Variants in GPNMB observed in about 807,000 individuals in gnomAD.
GPNMB encodes glycoprotein nmb.
Under a neutral mutation model 57.3 loss-of-function variants are expected in GPNMB, and 71 were observed. That is an observed-to-expected ratio of 1.24 (90% CI 1.02 to 1.51). The LOEUF (loss-of-function observed/expected upper bound fraction) is 1.51. Ranked by LOEUF, GPNMB falls within the 40% of genes most tolerant of loss-of-function variation. The pLI is 0.00. For missense variants in GPNMB, 677 were observed against 691.9 expected, an observed-to-expected ratio of 0.98 and a Z score of 0.24; for synonymous variants, 253 against 263.2, an observed-to-expected ratio of 0.96 and a Z score of 0.38.
chr7:23,264,469 T>C (rs910364924), intron 6 of GPNMB, among the ~76,000 whole-genome samples: 4 of 152,070 alleles, frequency 2.6e-5, no homozygotes, highest in East Asian at 1.9e-4. Flanking sequence ...GCCTTCTGGG[T>C]TCAAGTAATT....
intron 1 of GPNMB, 74 bp downstream of exon 1, chr7:23,247,001 TGAACTAGAGGTTGGACTGA>T: frequency 9.2e-7 from 1 of 1,092,118 alleles, no homozygotes; most frequent in Non-Finnish European, 1.4e-6. Flanking sequence ...TAATATCCTC[TGAACTAGAGGTTGGACTGA>T]AGTTCTTCAG....
chr7:23,252,661 G>T (rs879423655), intron 1 of GPNMB, among the ~76,000 whole-genome samples: 2 of 152,154 alleles, frequency 1.3e-5, no homozygotes, highest in Non-Finnish European at 2.9e-5. Flanking sequence ...CCACAATATA[G>T]TTGGAGATTT....
In GPNMB at chr7:23,251,941, C is replaced by T. The variant is rs374314836; in HGVS notation, c.71-1366C>T. ...GCGGGAAACAGCTTCTTGGAGGCAA[C>T]CAACCAGTCTGCTACAATTCTCAAA... On this transcript the variant is annotated intron_variant, in intron 1 of 10. Transcript: ENST00000258733. Among the ~76,000 whole-genome samples, 6 of 152,168 alleles carry T rather than the reference C, an allele frequency of 3.9e-5. No homozygotes were observed. The East Asian group carries it at 1.2e-3, about 29-fold the overall frequency.
At chr7:23,271,114 A>G (rs752352760) in intron 9 of GPNMB, among the ~76,000 whole-genome samples, 10 of 152,230 alleles carry the variant, frequency 6.6e-5, no homozygotes, top group Non-Finnish European at 1.3e-4. Flanking sequence ...ATCAGGCATT[A>G]GTTAGAGTCT....
intron 9 of GPNMB, among the ~76,000 whole-genome samples, chr7:23,272,868 A>G (rs156421): frequency 0.48 from 71,184 of 149,594 alleles, 18,347 homozygotes; most frequent in African/African-American, 0.7. Flanking sequence ...TTTTGAGGCA[A>G]GGTCTTGCTC....
chr7:23,267,769 T>A (rs1410166969), intron 7 of GPNMB, 117 bp from the exon 8 acceptor site: 1 of 771,326 alleles, frequency 1.3e-6, no homozygotes, highest in East Asian at 2.5e-5. Context: ...CCTTGGGGGT[T>A]TCAACATATG....
chr7:23,253,503 C>T, intron 2 of GPNMB, 44 bp downstream of exon 2: 1 of 1,545,826 alleles, frequency 6.5e-7, no homozygotes, highest in Non-Finnish European at 8.9e-7. Context: ...TTTCCTACTT[C>T]AGTAAGTCTT....
At chr7:23,266,147 C>T (rs1038574824) in intron 6 of GPNMB, 129 of 169,472 alleles carry the variant, frequency 7.6e-4, no homozygotes, top group African/African-American at 3.0e-3. Context: ...GGCGGGGTTT[C>T]ACCATGTTAG....
intron 4 of GPNMB, among the ~76,000 whole-genome samples, chr7:23,258,525 C>T (rs113736423): frequency 6.6e-6 from 1 of 152,236 alleles, no homozygotes; most frequent in South Asian, 2.1e-4. Context: ...TAACACTCGC[C>T]GACTCTTTAG....
intron 4 of GPNMB, among the ~76,000 whole-genome samples, chr7:23,259,647 A>G (rs1395447648): frequency 6.6e-6 from 1 of 152,156 alleles, no homozygotes; most frequent in Non-Finnish European, 1.5e-5. Context: ...TATTAAATGT[A>G]TTTTCTATGG....
intron 6 of GPNMB, chr7:23,266,211 A>C: frequency 3.4e-6 from 1 of 296,670 alleles, no homozygotes; most frequent in South Asian, 4.2e-5. Flanking sequence ...GGCCTCCCAA[A>C]GTGCTGGGAT....
At chr7:23,267,823 G>A (rs901193841) in intron 7 of GPNMB, 63 bp from the exon 8 acceptor site, 26 of 1,094,744 alleles carry the variant, frequency 2.4e-5, no homozygotes, top group Non-Finnish European at 3.2e-5. Context: ...CAGAGTGATT[G>A]TTTGGCTTTG....
intron 4 of GPNMB, chr7:23,257,482 G>A (rs1782809573): frequency 1.1e-5 from 3 of 267,504 alleles, no homozygotes; most frequent in Non-Finnish European, 2.1e-5. Context: ...GACCAGCCTG[G>A]CCAACATGGT....
At chr7:23,251,892 G>A (rs1782670149) in intron 1 of GPNMB, among the ~76,000 whole-genome samples, 1 of 152,192 alleles carries the variant, frequency 6.6e-6, no homozygotes, top group Non-Finnish European at 1.5e-5. Flanking sequence ...TGCCAGCAAG[G>A]GGAAAATAGG....
chr7:23,256,256 A>G (rs768450005), intron 3 of GPNMB, among the ~76,000 whole-genome samples: 8 of 152,194 alleles, frequency 5.3e-5, no homozygotes, highest in African/African-American at 9.7e-5. Flanking sequence ...GTTGTTAACT[A>G]TAGTCACCTA....
rs145407985 is a variant in GPNMB, at chr7:23,254,184, C to T, written c.239C>T (p.Ala80Val). The change falls in exon 3 of 11, where the codon GCG becomes GTG. Residue 80 changes from alanine to valine, a missense_variant. Physicochemically the swap from Ala to Val is moderately conservative, Grantham distance 64. Transcript: ENST00000258733. The stretch of plus-strand genomic sequence containing the variant: ...TATACCCTAGGAGGCCGTGTGCAGG[C>T]GGTCCTGACCAGTGACTCACCAGCC... ...KNSWKGGRVQ[A>V]VLTSDSPALV... 1.3e-5 allele frequency: 21 copies of T among 1,613,044 alleles called. No homozygotes were observed. Among genetic ancestry groups the T allele is most frequent in the African/African-American group, 1.2e-4 (9 of 74,976 alleles).
At position 23,260,753 on chromosome 7, in the gene GPNMB, C is replaced by CA; in HGVS notation, c.1002dup (p.Pro335ThrfsTer10). 6.4e-7 allele frequency: 1 copy of CA among 1,554,374 alleles called. No homozygotes were observed. Among genetic ancestry groups the CA allele is most frequent in the Non-Finnish European group, 8.7e-7 (1 of 1,150,932 alleles). ...CCACCGCCACCACCACCCAGACCTT[C>CA]AAAACCCACCCCTTCTTTAGGTAAG... On this transcript the variant is annotated frameshift_variant, in exon 6 of 11. Transcript: ENST00000258733. LOFTEE classifies it high-confidence loss of function.
Position 23,274,174 on chromosome 7 carries a change from C to T in GPNMB, c.1633C>T (p.Gln545Ter), listed in dbSNP as rs1783282360. The change falls in exon 11 of 11, where the codon CAG becomes TAG. Residue 545 changes from glutamine (Q) to a stop codon, truncating the protein, a stop_gained. Transcript: ENST00000258733. LOFTEE classifies it high-confidence loss of function. ...AAAAGCCGTGTTCTTCCCGGGAAAC[C>T]AGGAAAAGGATCCGCTACTCAAAAA... The part of the protein sequence containing the change: ...RAKAVFFPGN[Q>*]EKDPLLKNQE... 2 of 1,613,958 alleles carry T rather than the reference C, an allele frequency of 1.2e-6. No homozygotes were observed. Among genetic ancestry groups the T allele is most frequent in the Non-Finnish European group, 8.5e-7 (1 of 1,179,910 alleles).
intron 1 of GPNMB, among the ~76,000 whole-genome samples, chr7:23,249,828 TACA>T (rs2128480622): frequency 6.6e-6 from 1 of 152,350 alleles, no homozygotes; most frequent in African/African-American, 2.4e-5. Flanking sequence ...TGCCAAAGGG[TACA>T]ATTTCTTGGT....
Sources: gnomAD v4.1 joint callset for allele counts (sites outside exome capture counted in the v4.1 genomes callset) on GRCh38, gnomAD v4.1.1 for gene constraint, MANE v1.5 for transcripts, NCBI Gene and HGNC (gene_info 2026-07-23, HGNC 2026-07-21) for gene names.